The following KIF6 variants were observed in gnomAD, a reference collection of about 807,000 sequenced individuals.
KIF6 encodes kinesin-like protein KIF6.
KIF6 carries 106 observed loss-of-function variants against 112.7 expected under a neutral mutation model. That is an observed-to-expected ratio of 0.94 (90% CI 0.80 to 1.11). KIF6 has a LOEUF of 1.11. Among genes scored for constraint, KIF6 ranks in the 50% least tolerant of loss-of-function variants. KIF6 has a pLI of 0.00. For synonymous variants in KIF6, 339 were observed against 339.9 expected, an observed-to-expected ratio of 1.00 and a Z score of 0.03; for missense variants, 929 against 964.0, an observed-to-expected ratio of 0.96 and a Z score of 0.48.
chr6:39,660,165 T>A (rs1340626557), intron 3 of KIF6, among the ~76,000 whole-genome samples: 5 of 152,070 alleles, frequency 3.3e-5, no homozygotes, highest in African/African-American at 4.8e-5. Flanking sequence ...TTTAAAAATT[T>A]CCAATAAAAA....
chr6:39,517,916 T>C (rs560525079), intron 13 of KIF6, among the ~76,000 whole-genome samples: 51 of 152,238 alleles, frequency 3.4e-4, no homozygotes, highest in African/African-American at 1.2e-3. Flanking sequence ...AAAACCACAT[T>C]AGGCAGAACA....
At chr6:39,628,603 T>C (rs1784209014) in intron 5 of KIF6, among the ~76,000 whole-genome samples, 1 of 152,164 alleles carries the variant, frequency 6.6e-6, no homozygotes, top group Admixed American at 6.6e-5. Flanking sequence ...TGGCTTTTTT[T>C]ACTCAACATA....
chr6:39,645,377 T>C (rs1320373408), intron 3 of KIF6, among the ~76,000 whole-genome samples: 4 of 152,106 alleles, frequency 2.6e-5, no homozygotes, highest in Non-Finnish European at 5.9e-5. Flanking sequence ...GTATTACTCT[T>C]TGTTTAACTA....
intron 3 of KIF6, among the ~76,000 whole-genome samples, chr6:39,674,129 T>G (rs1786996980): frequency 6.6e-6 from 1 of 152,170 alleles, no homozygotes; most frequent in African/African-American, 2.4e-5. Flanking sequence ...AAGTAATATT[T>G]GTTTAACATT....
intron 3 of KIF6, among the ~76,000 whole-genome samples, chr6:39,707,238 C>A (rs1237620838): frequency 6.6e-6 from 1 of 152,148 alleles, no homozygotes; most frequent in African/African-American, 2.4e-5. Context: ...AGTGTAGAAA[C>A]CTTACTTCCC....
intron 13 of KIF6, among the ~76,000 whole-genome samples, chr6:39,446,200 A>C (rs1772301414): frequency 6.6e-6 from 1 of 152,212 alleles, no homozygotes; most frequent in Non-Finnish European, 1.5e-5. Context: ...CCACATCTAT[A>C]AAATGAAACA....
chr6:39,413,008 TG>T (rs1769602990), intron 15 of KIF6, among the ~76,000 whole-genome samples: 1 of 152,212 alleles, frequency 6.6e-6, no homozygotes, highest in Non-Finnish European at 1.5e-5. Context: ...TAGATTGTGT[TG>T]CCTTATGTAT....
chr6:39,625,716 C>T (rs1784057537), intron 5 of KIF6, among the ~76,000 whole-genome samples: 1 of 152,128 alleles, frequency 6.6e-6, no homozygotes, highest in African/African-American at 2.4e-5. Flanking sequence ...ATGCATGCCT[C>T]ATCTAAAAGC....
At chr6:39,375,232 C>A (rs1389974415) in intron 16 of KIF6, among the ~76,000 whole-genome samples, 1 of 152,016 alleles carries the variant, frequency 6.6e-6, no homozygotes, top group Non-Finnish European at 1.5e-5. Context: ...AGATGTTGGT[C>A]AAAGGGTACA....
intron 15 of KIF6, among the ~76,000 whole-genome samples, chr6:39,413,063 T>C (rs1402231097): frequency 6.6e-6 from 1 of 152,188 alleles, no homozygotes; most frequent in Non-Finnish European, 1.5e-5. Context: ...TTAATAGGGT[T>C]GTAATTGGTT....
At chr6:39,376,954 C>T (rs1766488874) in intron 16 of KIF6, among the ~76,000 whole-genome samples, 1 of 152,238 alleles carries the variant, frequency 6.6e-6, no homozygotes, top group Non-Finnish European at 1.5e-5. Context: ...TGCACAGTGG[C>T]TGTCCTCACC....
At chr6:39,666,042 T>C (rs1786445652) in intron 3 of KIF6, among the ~76,000 whole-genome samples, 1 of 152,222 alleles carries the variant, frequency 6.6e-6, no homozygotes, top group African/African-American at 2.4e-5. Context: ...AATGTGGTTT[T>C]AATTCATTAA....
chr6:39,682,441 G>A (rs549446979), intron 3 of KIF6, among the ~76,000 whole-genome samples: 1 of 152,296 alleles, frequency 6.6e-6, no homozygotes, highest in African/African-American at 2.4e-5. Flanking sequence ...AAAAGGTACA[G>A]TAAAAATACA....
intron 7 of KIF6, among the ~76,000 whole-genome samples, chr6:39,591,738 CT>C (rs1211271258): frequency 1.3e-5 from 2 of 152,166 alleles, no homozygotes; most frequent in Non-Finnish European, 2.9e-5. Context: ...GTAGATTATT[CT>C]TTGTGAGGCT....
At chr6:39,436,249 G>A (rs1311686839) in intron 13 of KIF6, among the ~76,000 whole-genome samples, 2 of 151,934 alleles carry the variant, frequency 1.3e-5, no homozygotes, top group East Asian at 3.9e-4. Flanking sequence ...GTTCTTTGTA[G>A]ATTCTGGATA....
At chr6:39,567,245 C>A (rs1780339400) in intron 10 of KIF6, among the ~76,000 whole-genome samples, 1 of 152,144 alleles carries the variant, frequency 6.6e-6, no homozygotes, top group Non-Finnish European at 1.5e-5. Context: ...CCCATCAATC[C>A]TCGTAAGAGC....
chr6:39,507,960 TTCCTCCTCC>T (rs950837313), intron 13 of KIF6, among the ~76,000 whole-genome samples: 2 of 87,310 alleles, frequency 2.3e-5, no homozygotes, highest in African/African-American at 9.3e-5. Flanking sequence ...CCCCTTCCCC[TTCCTCCTCC>T]TCCTCCTCCT....
At chr6:39,337,027 CCTTT>C (rs1195631104) in intron 22 of KIF6, among the ~76,000 whole-genome samples, 4 of 121,568 alleles carry the variant, frequency 3.3e-5, no homozygotes, top group Admixed American at 8.4e-5. Flanking sequence ...TCCCTTCCTT[CCTTT>C]CTTTTCCTTC....
At chr6:39,693,885 A>T (rs1788371551) in intron 3 of KIF6, among the ~76,000 whole-genome samples, 1 of 152,102 alleles carries the variant, frequency 6.6e-6, no homozygotes, top group African/African-American at 2.4e-5. Flanking sequence ...CTATAAGCCA[A>T]TATCCCTGAA....
Sources: allele counts gnomAD v4.1 joint callset (sites outside exome capture counted in the v4.1 genomes callset), GRCh38; gene constraint gnomAD v4.1.1; transcripts MANE v1.5; gene names NCBI Gene and HGNC (gene_info 2026-07-23, HGNC 2026-07-21).